Variants in SLC41A3 observed in about 807,000 individuals in gnomAD.
The protein encoded by SLC41A3 is SLC41A1-like 2.
In SLC41A3, 44 loss-of-function variants were observed where a neutral mutation model predicts 45.4. The observed-to-expected ratio is 0.97, with a 90% CI of 0.76 to 1.25. The LOEUF (loss-of-function observed/expected upper bound fraction) is 1.25, where lower values mean the gene tolerates loss of function less well. SLC41A3 is among the 50% of genes most tolerant of loss of function. The pLI, the probability that SLC41A3 is intolerant of heterozygous loss-of-function variation, is 0.00. For missense variants in SLC41A3, 550 were observed against 600.6 expected, an observed-to-expected ratio of 0.92 and a Z score of 0.88; for synonymous variants, 256 against 252.4, an observed-to-expected ratio of 1.01 and a Z score of -0.13.
At chr3:126,083,145 C>G (rs146427972) in intron 1 of SLC41A3, among the ~76,000 whole-genome samples, 1 of 152,216 alleles carries the variant, frequency 6.6e-6, no homozygotes, top group Admixed American at 6.5e-5. Context: ...TCAGACTCCT[C>G]AAAGCCCTAA....
At chr3:126,067,687 T>A in intron 2 of SLC41A3, 1 of 546,456 alleles carries the variant, frequency 1.8e-6, no homozygotes, top group Non-Finnish European at 3.3e-6. Context: ...TCAAAGTACA[T>A]CAGAAGGGAA....
chr3:126,074,625 G>A (rs1303420006), intron 1 of SLC41A3, among the ~76,000 whole-genome samples: 2 of 151,860 alleles, frequency 1.3e-5, no homozygotes, highest in Non-Finnish European at 2.9e-5. Context: ...GTCAATACAC[G>A]AAAGTCAGTT....
At chr3:126,017,058 T>C (rs1320910085) in intron 6 of SLC41A3, among the ~76,000 whole-genome samples, 183 bp from the exon 7 acceptor site, 1 of 152,148 alleles carries the variant, frequency 6.6e-6, no homozygotes, top group Non-Finnish European at 1.5e-5. Flanking sequence ...GAAAAGCTCC[T>C]CTCTGTCCTC....
At chr3:126,056,637 G>A (rs948034617) in intron 2 of SLC41A3, 23 of 1,498,348 alleles carry the variant, frequency 1.5e-5, no homozygotes, top group East Asian at 9.6e-5. Flanking sequence ...ACACCAGGAC[G>A]CTGTTCCCAA....
intron 4 of SLC41A3, among the ~76,000 whole-genome samples, chr3:126,028,272 G>T (rs781171440): frequency 1.3e-5 from 2 of 152,202 alleles, no homozygotes; most frequent in Non-Finnish European, 2.9e-5. Flanking sequence ...TGGTTTCATG[G>T]GCCAGGTCCA....
chr3:126,037,674 G>A (rs779269497), intron 3 of SLC41A3, among the ~76,000 whole-genome samples: 4 of 152,154 alleles, frequency 2.6e-5, no homozygotes, highest in African/African-American at 4.8e-5. Flanking sequence ...ATGACTAAAA[G>A]TTGAAACTTA....
intron 2 of SLC41A3, chr3:126,056,826 C>G: frequency 7.8e-7 from 1 of 1,276,266 alleles, no homozygotes; most frequent in Non-Finnish European, 1.0e-6. Context: ...AGGTCAGGCT[C>G]TCCTCAGACA....
intron 2 of SLC41A3, among the ~76,000 whole-genome samples, chr3:126,060,947 G>A (rs1944032878): frequency 2.6e-5 from 4 of 152,208 alleles, no homozygotes; most frequent in Admixed American, 1.3e-4. Context: ...GGCCGCCCAG[G>A]CTCCACAAAG....
At chr3:126,033,430 G>C (rs569421013) in intron 4 of SLC41A3, among the ~76,000 whole-genome samples, 177 bp downstream of exon 4, 2 of 152,126 alleles carry the variant, frequency 1.3e-5, no homozygotes, top group Non-Finnish European at 2.9e-5. Flanking sequence ...CAGGTGGGCT[G>C]AGCCTCCAGA....
chr3:126,072,857 A>G (rs1421333801), intron 1 of SLC41A3, among the ~76,000 whole-genome samples: 1 of 152,226 alleles, frequency 6.6e-6, no homozygotes, highest in Non-Finnish European at 1.5e-5. Flanking sequence ...TAGCAAAGAC[A>G]CAAAATCAGC....
chr3:126,028,272 G>A (rs781171440), intron 4 of SLC41A3, among the ~76,000 whole-genome samples: 1 of 152,202 alleles, frequency 6.6e-6, no homozygotes, highest in Non-Finnish European at 1.5e-5. Flanking sequence ...TGGTTTCATG[G>A]GCCAGGTCCA....
At chr3:126,012,557 C>T (rs960200244) in intron 9 of SLC41A3, 58 bp downstream of exon 9, 12 of 1,601,352 alleles carry the variant, frequency 7.5e-6, no homozygotes, top group South Asian at 2.2e-5. Context: ...CCAATGACAC[C>T]GATGTTTTCT....
At chr3:126,089,140 C>T (rs146626556), upstream of SLC41A3, among the ~76,000 whole-genome samples, 51 of 152,262 alleles carry the variant, frequency 3.3e-4, no homozygotes, top group African/African-American at 1.0e-3. Context: ...TGCCTATTAC[C>T]GAAGTCATGG....
Sources: allele counts gnomAD v4.1 joint callset (sites outside exome capture counted in the v4.1 genomes callset), GRCh38; gene constraint gnomAD v4.1.1; transcripts MANE v1.5; gene names NCBI Gene and HGNC (gene_info 2026-07-23, HGNC 2026-07-21).